The following FOXP1 variants were observed in gnomAD, a reference collection of about 807,000 sequenced individuals.
FOXP1 encodes the protein forkhead box P1.
In FOXP1, 15 loss-of-function variants were observed where a neutral mutation model predicts 98.2. That is an observed-to-expected ratio of 0.15 (90% CI 0.10 to 0.24). FOXP1 has a LOEUF of 0.24. Ranked by LOEUF, FOXP1 falls within the 10% of genes least tolerant of loss-of-function variation. The probability of loss-of-function intolerance (pLI) is 1.00; values close to 1 mark genes in which losing one functional copy is unlikely to be tolerated. For synonymous variants in FOXP1, 371 were observed against 314.5 expected (o/e 1.18, Z -1.90); for missense variants, 633 against 848.5 (o/e 0.75, Z 3.15).
rs2106854508 is a variant in FOXP1 at position 70,959,259 on chromosome 3, C to T, written c.2022G>A (p.Glu674=). Reference sequence around the variant, plus strand: ...CCCGCCCCGATAGTCACTCCATGTCCTCGTTTACTGGTTCATCTTCGTAAT... The same window carrying T: ...CCCGCCCCGATAGTCACTCCATGTCTTCGTTTACTGGTTCATCTTCGTAAT... ...DRDYEDEPVN[E]DME is the part of the protein sequence containing the mutation. The change falls in exon 21 of 21, where the codon GAG becomes GAA. Residue 674 remains glutamate, a synonymous_variant. Coordinates refer to ENST00000649528, the MANE Select transcript of FOXP1 (RefSeq NM_001349338.3). 6.2e-7 allele frequency: 1 copy of T among 1,613,750 alleles called. No individual in the cohort carries two copies. The highest frequency in any genetic ancestry group is 1.7e-5 in the Admixed American group (1 of 59,962).
At chr3:71,109,989 C>T (rs1436749951) in intron 7 of FOXP1, among the ~76,000 whole-genome samples, 1 of 152,104 alleles carries the variant, frequency 6.6e-6, no homozygotes, top group African/African-American at 2.4e-5. Flanking sequence ...CCAAAACCAG[C>T]GTTCAAGATT....
intron 2 of FOXP1, among the ~76,000 whole-genome samples, chr3:71,538,886 C>A (rs145995915): frequency 6.6e-6 from 1 of 152,048 alleles, no homozygotes; most frequent in Non-Finnish European, 1.5e-5. Context: ...TTCTTTTGCA[C>A]GTGAATATAC....
At chr3:71,270,995 C>A (rs1317223759) in intron 5 of FOXP1, among the ~76,000 whole-genome samples, 1 of 152,214 alleles carries the variant, frequency 6.6e-6, no homozygotes, top group African/African-American at 2.4e-5. Flanking sequence ...CTTTGGGAGG[C>A]CAAGGTGGGC....
chr3:71,099,666 G>A (rs2056788501), intron 7 of FOXP1, among the ~76,000 whole-genome samples: 1 of 152,168 alleles, frequency 6.6e-6, no homozygotes, highest in Non-Finnish European at 1.5e-5. Context: ...GAAATACAGA[G>A]AAGTTAAGCT....
At chr3:71,311,022 T>C (rs551932368) in intron 4 of FOXP1, among the ~76,000 whole-genome samples, 2 of 152,336 alleles carry the variant, frequency 1.3e-5, no homozygotes, top group South Asian at 4.1e-4. Flanking sequence ...TCAGAACATA[T>C]ACTCCATGAA....
intron 18 of FOXP1, chr3:70,971,508 G>A (rs2036234765): frequency 6.5e-6 from 1 of 153,372 alleles, no homozygotes; most frequent in African/African-American, 2.4e-5. Context: ...GGAAAAGGGT[G>A]CCTCCCAGTA....
intron 4 of FOXP1, among the ~76,000 whole-genome samples, chr3:71,357,774 A>T (rs1324085312): frequency 3.9e-5 from 6 of 152,218 alleles, no homozygotes; most frequent in Admixed American, 3.9e-4. Flanking sequence ...AGATGAAGGA[A>T]CGCACTTGAA....
chr3:71,466,820 T>A (rs372894259), intron 3 of FOXP1, among the ~76,000 whole-genome samples: 1 of 152,356 alleles, frequency 6.6e-6, no homozygotes, highest in African/African-American at 2.4e-5. Context: ...CATATAGTTC[T>A]ACATGAGAGA....
At chr3:70,986,544 T>C (rs2039769544) in intron 14 of FOXP1, among the ~76,000 whole-genome samples, 1 of 152,244 alleles carries the variant, frequency 6.6e-6, no homozygotes, top group South Asian at 2.1e-4. Context: ...AGGCAGTGAA[T>C]GCCCTGTGCA....
chr3:71,106,627 T>TA (rs2057455104), intron 7 of FOXP1, among the ~76,000 whole-genome samples: 1 of 130,472 alleles, frequency 7.7e-6, no homozygotes, highest in Non-Finnish European at 1.5e-5. Context: ...CCCGGCCACT[T>TA]TTTTTTTTTT....
chr3:71,160,323 T>G (rs149179471), intron 6 of FOXP1, among the ~76,000 whole-genome samples: 1 of 152,208 alleles, frequency 6.6e-6, no homozygotes, highest in East Asian at 1.9e-4. Flanking sequence ...GGTCTCAGCA[T>G]TGGCTCTAGG....
At chr3:71,395,911 T>C (rs1382384705) in intron 3 of FOXP1, among the ~76,000 whole-genome samples, 5 of 152,080 alleles carry the variant, frequency 3.3e-5, no homozygotes, top group Non-Finnish European at 7.4e-5. Flanking sequence ...TTAAAATATA[T>C]TATAAATGCT....
rs147537388 is a variant in FOXP1, at chr3:70,965,954, C to T, written c.1825G>A (p.Ala609Thr). Reference sequence around the variant, plus strand: ...TCGTTGCTGTTGGTATGCTCCATTGCCCCGTTCAGCTCTTCCCGTATTGCG... The same window carrying T: ...TCGTTGCTGTTGGTATGCTCCATTGTCCCGTTCAGCTCTTCCCGTATTGCG... ...ASAIREELNG[A>T]MEHTNSNESD... The change falls in exon 20 of 21, where the codon GCA becomes ACA. Residue 609 changes from alanine to threonine, a missense_variant. Physicochemically the swap from Ala to Thr is moderately conservative, Grantham distance 58 (BLOSUM62 0). Around this residue, in one of 6 missense-constraint regions of FOXP1, gnomAD observed 150 missense variants for 163.7 expected, o/e 0.92. Coordinates refer to ENST00000649528, the MANE Select transcript of FOXP1 (RefSeq NM_001349338.3). 1.2e-4 allele frequency: 194 copies of T among 1,614,122 alleles called. 1 individual carries two copies. In the African/African-American group the frequency reaches 2.4e-3, roughly 20 times the overall value.
chr3:71,050,633 G>T (rs556087745), intron 9 of FOXP1, among the ~76,000 whole-genome samples: 1 of 152,326 alleles, frequency 6.6e-6, no homozygotes, highest in African/African-American at 2.4e-5. Context: ...AACCTCTTGA[G>T]GCTGTAACCA....
At chr3:71,505,968 G>A (rs1266066233) in intron 2 of FOXP1, among the ~76,000 whole-genome samples, 1 of 152,194 alleles carries the variant, frequency 6.6e-6, no homozygotes, top group African/African-American at 2.4e-5. Context: ...GGGATACCCA[G>A]GCACAGTCTG....
chr3:71,448,358 G>A (rs2086644084), intron 3 of FOXP1, among the ~76,000 whole-genome samples: 2 of 152,186 alleles, frequency 1.3e-5, no homozygotes, highest in South Asian at 4.1e-4. Context: ...AAGAAAGGCT[G>A]TTGACTGGTA....
At chr3:71,502,037 T>A (rs1032646913) in intron 2 of FOXP1, among the ~76,000 whole-genome samples, 1 of 152,208 alleles carries the variant, frequency 6.6e-6, no homozygotes, top group Admixed American at 6.5e-5. Flanking sequence ...GAAGGCTCTT[T>A]TGGGGAGCCA....
intron 3 of FOXP1, among the ~76,000 whole-genome samples, chr3:71,363,608 A>C (rs528836501): frequency 5.3e-5 from 8 of 152,280 alleles, no homozygotes; most frequent in African/African-American, 1.7e-4. Context: ...CTTGTTGGAG[A>C]CAGGTTCTCA....
chr3:71,101,467 G>C (rs1231703423), intron 7 of FOXP1, among the ~76,000 whole-genome samples: 10 of 152,092 alleles, frequency 6.6e-5, no homozygotes, highest in Non-Finnish European at 1.5e-4. Flanking sequence ...AAACAGCATG[G>C]AGGCCAGGGG....
Sources: allele counts gnomAD v4.1 joint callset (sites outside exome capture counted in the v4.1 genomes callset), GRCh38; gene constraint gnomAD v4.1.1; regional missense constraint gnomAD v4.1.1; transcripts MANE v1.5; gene names NCBI Gene and HGNC (gene_info 2026-07-23, HGNC 2026-07-21).